Variants in ZNF33A observed in about 807,000 individuals in gnomAD.
ZNF33A encodes the protein zinc finger protein 33A, also known as brain my041 protein.
A neutral mutation model predicts 15.9 loss-of-function variants in ZNF33A; 9 were observed. The ratio of observed to expected loss-of-function variants is 0.57; its 90% CI spans 0.34 to 0.99. The LOEUF (loss-of-function observed/expected upper bound fraction) is 0.99. Ranked by LOEUF, ZNF33A falls within the 50% of genes least tolerant of loss-of-function variation. The pLI is 0.02. For missense variants in ZNF33A, 843 were observed against 941.6 expected, an observed-to-expected ratio of 0.90 and a Z score of 1.37; for synonymous variants, 294 against 324.2, an observed-to-expected ratio of 0.91 and a Z score of 1.00.
In ZNF33A at chr10:38,057,091, T is replaced by G. The variant is rs2135780212; in HGVS notation, c.*531T>G. On this transcript the variant is annotated 3_prime_UTR_variant, in exon 5 of 5. Coordinates refer to ENST00000432900, the MANE Select transcript of ZNF33A (RefSeq NM_006954.2). ...TGGTAGATAGAGACTTAGTCAGATT[T>G]TACTATGGTTTGCATGCACTCTGTG... 1 of 683,504 alleles carries G rather than the reference T, an allele frequency of 1.5e-6. No homozygotes were observed. The highest frequency in any genetic ancestry group is 6.4e-5 in the South Asian group (1 of 15,600). The allele number at this position is 683,504 out of a possible 1,614,324, so 42.3% of individuals were successfully genotyped here.
Position 38,010,774 on chromosome 10 carries a change from A to G in ZNF33A, c.-54A>G, listed in dbSNP as rs1408558051. 8.8e-6 allele frequency: 14 copies of G among 1,598,264 alleles called. No individual in the cohort carries two copies. The highest frequency in any genetic ancestry group is 1.1e-5 in the Non-Finnish European group (13 of 1,179,756). On this transcript the variant is annotated 5_prime_UTR_variant, in exon 1 of 5. Transcript: ENST00000432900. ...TTTCTATGGCGAATGCAACCCGACG[A>G]GGGAGTGGGGTAAGCCCCAGTGGGT... is the stretch of plus-strand genomic sequence containing the variant.
intron 4 of ZNF33A, among the ~76,000 whole-genome samples, chr10:38,020,810 T>C (rs2064702787): frequency 6.6e-6 from 1 of 152,246 alleles, no homozygotes; most frequent in South Asian, 2.1e-4. Context: ...AGCAGAGATA[T>C]CTCATTGATG....
At position 38,023,517 on chromosome 10, in the gene ZNF33A, A is replaced by G. The variant is rs184511826; in HGVS notation, c.250+6131A>G. 4.0e-4 allele frequency among the ~76,000 whole-genome samples: 61 copies of G among 152,352 alleles called. No homozygotes were observed. The East Asian group carries it at 0.011, about 28-fold the overall frequency. On this transcript the variant is annotated intron_variant, in intron 4 of 4. Coordinates refer to ENST00000432900, the MANE Select transcript of ZNF33A (RefSeq NM_006954.2). ...GCATAGGCTAAAGAAGAAAAATTAC[A>G]TAACATCAGTTAATAATAGAGAAAG...
intron 2 of ZNF33A, 58 bp from the exon 3 acceptor site, chr10:38,016,813 C>T (rs750614077): frequency 1.3e-6 from 2 of 1,550,266 alleles, no homozygotes; most frequent in South Asian, 2.4e-5. Flanking sequence ...GAATAATAAT[C>T]ATGGTAAGGA....
At chr10:38,050,496 G>C (rs2066153385) in intron 4 of ZNF33A, among the ~76,000 whole-genome samples, 1 of 152,184 alleles carries the variant, frequency 6.6e-6, no homozygotes, top group South Asian at 2.1e-4. Context: ...TTTTATCTTT[G>C]AACTTGTGAT....
Position 38,057,302 on chromosome 10 carries a change from G to A in ZNF33A, c.*742G>A. On this transcript the variant is annotated 3_prime_UTR_variant, in exon 5 of 5. Coordinates refer to ENST00000432900, the MANE Select transcript of ZNF33A (RefSeq NM_006954.2). ...TTGTATTAATAACCACACGCTTTCT[G>A]CAACCCTATCCCTTGCATCCACTTG... The A allele has an allele frequency of 2.0e-6, 2 of 985,318 alleles. No homozygotes were observed. The highest frequency in any genetic ancestry group is 4.7e-5 in the South Asian group (1 of 21,292). 61.0% of individuals were successfully genotyped at this position (985,318 alleles called of 1,614,324 possible). A position where few individuals can be genotyped will look rare whatever the true frequency, so the allele number is the denominator to read the frequency against.
chr10:38,015,311 C>A (rs1185899993), intron 2 of ZNF33A, among the ~76,000 whole-genome samples: 1 of 151,520 alleles, frequency 6.6e-6, no homozygotes, highest in Non-Finnish European at 1.5e-5. Context: ...TATTATGCTT[C>A]ATTTTTTTTT....
At chr10:38,011,226 G>A (rs1419722073) in intron 1 of ZNF33A, among the ~76,000 whole-genome samples, 1 of 152,230 alleles carries the variant, frequency 6.6e-6, no homozygotes, top group Admixed American at 6.5e-5. Flanking sequence ...GTCCATCACT[G>A]CATCTTGGTA....
Position 38,012,326 on chromosome 10 carries a change from C to T in ZNF33A, c.-16C>T. The T allele has an allele frequency of 6.2e-7, 1 of 1,613,410 alleles. No individual in the cohort carries two copies. Among genetic ancestry groups the T allele is most frequent in the Non-Finnish European group, 8.5e-7 (1 of 1,179,764 alleles). On this transcript the variant is annotated 5_prime_UTR_variant, in exon 2 of 5. Coordinates refer to ENST00000432900, the MANE Select transcript of ZNF33A (RefSeq NM_006954.2). Reference sequence around the variant, plus strand: ...TATCTTCAGAGTTGTCTCCGTCTTTCCAAGAACAGAACAAAATGAACAAGG... The same window carrying T: ...TATCTTCAGAGTTGTCTCCGTCTTTTCAAGAACAGAACAAAATGAACAAGG...
At position 38,010,781 on chromosome 10, in the gene ZNF33A, G is replaced by C. The variant is rs755949434; in HGVS notation, c.-47G>C. ...GGCGAATGCAACCCGACGAGGGAGT[G>C]GGGTAAGCCCCAGTGGGTTGGGCAG... is the stretch of plus-strand genomic sequence containing the variant. On this transcript the variant is annotated splice_region_variant and 5_prime_UTR_variant, in exon 1 of 5. Coordinates refer to ENST00000432900, the MANE Select transcript of ZNF33A (RefSeq NM_006954.2). The C allele has an allele frequency of 3.1e-5, 50 of 1,598,362 alleles. No individual in the cohort carries two copies. The East Asian group carries it at 9.1e-4, about 29-fold the overall frequency.
intron 4 of ZNF33A, among the ~76,000 whole-genome samples, chr10:38,049,062 T>TA (rs2135734091): frequency 6.6e-6 from 1 of 152,248 alleles, no homozygotes; most frequent in South Asian, 2.1e-4. Flanking sequence ...ATTGAAGTCA[T>TA]ATAGAGTATT....
chr10:38,053,360 T>A (rs1350815508), intron 4 of ZNF33A, among the ~76,000 whole-genome samples: 1 of 152,146 alleles, frequency 6.6e-6, no homozygotes, highest in East Asian at 1.9e-4. Context: ...TGACCAGTGG[T>A]TGGGGGTGGT....
rs1332829337 is a variant in ZNF33A at position 38,060,045 on chromosome 10, C to T, written c.*3485C>T. On this transcript the variant is annotated 3_prime_UTR_variant, in exon 5 of 5. Coordinates refer to ENST00000432900, the MANE Select transcript of ZNF33A (RefSeq NM_006954.2). ...GAAGTGTATCAAGTAAATAAATAAC[C>T]AACCAACCAACCCTGAGGAACATCT... 1.0e-6 allele frequency: 1 copy of T among 984,578 alleles called. No homozygotes were observed. The highest frequency in any genetic ancestry group is 1.2e-6 in the Non-Finnish European group (1 of 829,330). 61.0% of individuals were successfully genotyped at this position (984,578 alleles called of 1,614,324 possible).
intron 4 of ZNF33A, among the ~76,000 whole-genome samples, chr10:38,049,277 G>A (rs1319896875): frequency 6.6e-6 from 1 of 152,028 alleles, no homozygotes. Flanking sequence ...GGAAATTTAG[G>A]TATAGCAAAT....
Position 38,024,168 on chromosome 10 carries a change from A to C in ZNF33A, c.250+6782A>C, listed in dbSNP as rs2064877496. Among the ~76,000 whole-genome samples the C allele has an allele frequency of 7.9e-5, 11 of 138,982 alleles. No individual in the cohort carries two copies. In the Admixed American group the frequency reaches 8.2e-4, roughly 10 times the overall value. The allele number at this position is 138,982 out of a possible 152,430, so 91.2% of individuals were successfully genotyped here. ...ACTCCGTCTCAAAAACAAAACAAAA[A>C]AAAAAAAAAAAAAGAAAAAATGTAA... On this transcript the variant is annotated intron_variant, in intron 4 of 4. Coordinates refer to ENST00000432900, the MANE Select transcript of ZNF33A (RefSeq NM_006954.2).
Position 38,055,958 on chromosome 10 carries a change from A to G in ZNF33A, c.1834A>G (p.Asn612Asp). The change falls in exon 5 of 5, where the codon AAT (asparagine) becomes GAT (aspartate). Residue 612 changes from asparagine (N) to aspartate (D), a missense_variant. By Grantham distance (23) the Asn-to-Asp change is conservative. Transcript: ENST00000432900. Reference sequence around the variant, plus strand: ...TACAGGGGAGAAACCCTATGAATGTAATGAATGTGGAAAAGCCTTCTACCA... The same window carrying G: ...TACAGGGGAGAAACCCTATGAATGTGATGAATGTGGAAAAGCCTTCTACCA... ...THTGEKPYECNECGKAFYQKS... is the reference protein window; with the variant it reads ...THTGEKPYECDECGKAFYQKS... The G allele has an allele frequency of 6.2e-7, 1 of 1,614,012 alleles. No homozygotes were observed.
chr10:38,049,592 TTATG>T (rs1214384478), intron 4 of ZNF33A, among the ~76,000 whole-genome samples: 1 of 152,180 alleles, frequency 6.6e-6, no homozygotes, highest in Non-Finnish European at 1.5e-5. Flanking sequence ...GTGTATGTAT[TTATG>T]TATATGTATA....
At chr10:38,042,503 C>CTTTTTTTTTTTTTTTTTTCTT (rs34942508) in intron 4 of ZNF33A, among the ~76,000 whole-genome samples, 1 of 135,520 alleles carries the variant, frequency 7.4e-6, no homozygotes, top group Non-Finnish European at 1.6e-5. Flanking sequence ...TTGCTTTATT[C>CTTTTTTTTTTTTTTTTTTCTT]TTTTTTTTTT....
intron 4 of ZNF33A, among the ~76,000 whole-genome samples, chr10:38,036,255 C>T (rs1196267143): frequency 2.0e-5 from 3 of 151,988 alleles, no homozygotes; most frequent in Non-Finnish European, 4.4e-5. Context: ...GCCTGGCCAA[C>T]GTGGTAAAAC....
Sources: allele counts gnomAD v4.1 joint callset (sites outside exome capture counted in the v4.1 genomes callset), GRCh38; gene constraint gnomAD v4.1.1; transcripts MANE v1.5; gene names NCBI Gene and HGNC (gene_info 2026-07-23, HGNC 2026-07-21).